Variants in SNTG2 observed in about 807,000 individuals in gnomAD.
The protein encoded by SNTG2 is syntrophin gamma 2, also known as gamma-2-syntrophin.
A neutral mutation model predicts 70.9 loss-of-function variants in SNTG2; 74 were observed. The observed-to-expected ratio is 1.04, with a 90% CI of 0.86 to 1.27. The LOEUF (loss-of-function observed/expected upper bound fraction) is 1.27, where lower values mean the gene tolerates loss of function less well. SNTG2 is among the 50% of genes most tolerant of loss of function. SNTG2 has a pLI of 0.00. For missense variants in SNTG2, 717 were observed against 690.7 expected, an observed-to-expected ratio of 1.04 and a Z score of -0.43; for synonymous variants, 278 against 273.8, an observed-to-expected ratio of 1.02 and a Z score of -0.15.
chr2:1,001,007 A>G (rs549922305), intron 1 of SNTG2, among the ~76,000 whole-genome samples: 2 of 152,066 alleles, frequency 1.3e-5, no homozygotes, highest in Non-Finnish European at 2.9e-5. Flanking sequence ...AACAAAAAGT[A>G]AAAACCAAAA....
At chr2:1,337,460 A>G (rs1659873904) in intron 16 of SNTG2, among the ~76,000 whole-genome samples, 1 of 152,126 alleles carries the variant, frequency 6.6e-6, no homozygotes, top group South Asian at 2.1e-4. Context: ...ACATCTTTTC[A>G]TGTGCTTATT....
chr2:1,341,660 G>A (rs1660094900), intron 16 of SNTG2: 1 of 152,132 alleles, frequency 6.6e-6, no homozygotes, highest in South Asian at 2.1e-4. Flanking sequence ...TCCTTTGAAA[G>A]AAGCTTTCTC....
intron 1 of SNTG2, among the ~76,000 whole-genome samples, chr2:1,017,497 CACAT>C (rs1051497583): frequency 2.0e-5 from 3 of 152,168 alleles, no homozygotes; most frequent in African/African-American, 4.8e-5. Flanking sequence ...CATGTAGAGA[CACAT>C]ACGTGCACAT....
chr2:1,041,441 A>G (rs1290745696), intron 1 of SNTG2, among the ~76,000 whole-genome samples: 1 of 151,998 alleles, frequency 6.6e-6, no homozygotes, highest in East Asian at 1.9e-4. Flanking sequence ...GTTTATTTTT[A>G]TTGCTAGCCG....
intron 4 of SNTG2, among the ~76,000 whole-genome samples, chr2:1,121,604 G>C (rs1239757442): frequency 1.3e-5 from 2 of 152,124 alleles, no homozygotes; most frequent in African/African-American, 4.8e-5. Flanking sequence ...GGCGTCAGAA[G>C]ACTTACAATC....
At chr2:1,265,187 T>C (rs995467509) in intron 13 of SNTG2, among the ~76,000 whole-genome samples, 1 of 152,238 alleles carries the variant, frequency 6.6e-6, no homozygotes, top group African/African-American at 2.4e-5. Flanking sequence ...ATAAGGTCAA[T>C]GATGAACATG....
In SNTG2 at chr2:1,251,831, C is replaced by T. The variant is rs540804697; in HGVS notation, c.1005+4388C>T. Among the ~76,000 whole-genome samples, 258 of 152,122 alleles carry T rather than the reference C, an allele frequency of 1.7e-3. 1 individual carries two copies. Among genetic ancestry groups the T allele is most frequent in the Non-Finnish European group, 8.2e-4 (56 of 67,982 alleles). On this transcript the variant is annotated intron_variant, in intron 12 of 16. Coordinates refer to ENST00000308624, the MANE Select transcript of SNTG2 (RefSeq NM_018968.4). ...ACGTGCACACCACTCATGCACACAC[C>T]ACATGCACACCCCATGCACACACAC... is the stretch of plus-strand genomic sequence containing the variant.
In SNTG2 at chr2:1,255,823, TATATATATAA is replaced by T. The variant is rs750209235; in HGVS notation, c.1006-3497_1006-3488del. On this transcript the variant is annotated intron_variant, in intron 12 of 16. Transcript: ENST00000308624. ...ATATATATACACAAAGTTGTATGTA[TATATATATAA>T]ATATATATAAATATATATAAATATA... Among the ~76,000 whole-genome samples, 280 of 73,198 alleles carry T rather than the reference TATATATATAA, an allele frequency of 3.8e-3. 2 individuals carry two copies. Among genetic ancestry groups the T allele is most frequent in the South Asian group, 5.6e-3 (12 of 2,146 alleles). 48.0% of individuals were successfully genotyped at this position (73,198 alleles called of 152,430 possible). A position where few individuals can be genotyped will look rare whatever the true frequency, so the allele number is the denominator to read the frequency against.
chr2:1,231,342 G>C (rs1183108701), intron 9 of SNTG2, among the ~76,000 whole-genome samples: 1 of 152,236 alleles, frequency 6.6e-6, no homozygotes, highest in African/African-American at 2.4e-5. Context: ...GGGTGAAATA[G>C]ATCCGAAACG....
chr2:969,576 A>G (rs1660675477), intron 1 of SNTG2, among the ~76,000 whole-genome samples: 1 of 151,654 alleles, frequency 6.6e-6, no homozygotes, highest in African/African-American at 2.4e-5. Context: ...GAGATATTTC[A>G]CCTCCCTGCT....
chr2:956,141 G>C (rs182916553), intron 1 of SNTG2, among the ~76,000 whole-genome samples: 4 of 21,144 alleles, frequency 1.9e-4, no homozygotes, highest in African/African-American at 2.8e-4. Context: ...TGCACCCACC[G>C]CGCCCCGCCC....
At position 1,137,603 on chromosome 2, in the gene SNTG2, C is replaced by T. The variant is rs754085948; in HGVS notation, c.326-19C>T. 165 of 1,611,328 alleles carry T rather than the reference C, an allele frequency of 1.0e-4. No individual in the cohort carries two copies. In the East Asian group the frequency reaches 3.3e-3, roughly 32 times the overall value. ...CTGAGATTTCTCTTAAAACTGTTGC[C>T]ACTTTTGCCACCCTGCAGCTGACCA... On this transcript the variant is annotated intron_variant, in intron 4 of 16. Transcript: ENST00000308624.
intron 1 of SNTG2, among the ~76,000 whole-genome samples, chr2:1,077,700 C>T (rs1664013588): frequency 6.6e-6 from 1 of 152,208 alleles, no homozygotes; most frequent in Non-Finnish European, 1.5e-5. Context: ...CAAACACACA[C>T]ACACTGATAT....
chr2:1,171,723 T>C (rs183569279), intron 7 of SNTG2, among the ~76,000 whole-genome samples: 1 of 152,346 alleles, frequency 6.6e-6, no homozygotes, highest in Admixed American at 6.5e-5. Flanking sequence ...TTCTCCAAGT[T>C]TCTCAATATC....
At chr2:1,288,766 A>G (rs1335138955) in intron 14 of SNTG2, among the ~76,000 whole-genome samples, 1 of 152,144 alleles carries the variant, frequency 6.6e-6, no homozygotes. Flanking sequence ...ACATGTACAC[A>G]TGCACACTCA....
chr2:1,326,312 A>G (rs958795824), intron 16 of SNTG2, among the ~76,000 whole-genome samples: 5 of 152,164 alleles, frequency 3.3e-5, no homozygotes, highest in Non-Finnish European at 7.4e-5. Context: ...CCCTATTTGG[A>G]CTTCCAGAGG....
At chr2:1,268,746 A>G (rs1196950277) in intron 14 of SNTG2, among the ~76,000 whole-genome samples, 2 of 152,252 alleles carry the variant, frequency 1.3e-5, no homozygotes, top group East Asian at 3.8e-4. Context: ...CTTAGAAACC[A>G]TCAGCACTAA....
intron 8 of SNTG2, among the ~76,000 whole-genome samples, chr2:1,177,432 G>A (rs1206200664): frequency 2.0e-5 from 3 of 151,460 alleles, no homozygotes; most frequent in South Asian, 2.1e-4. Context: ...CATGGCACAC[G>A]TTTACCAATG....
In SNTG2 at chr2:1,209,138, C is replaced by A. The variant is rs1214264722; in HGVS notation, c.627C>A (p.Asp209Glu). 1 of 1,613,972 alleles carries A rather than the reference C, an allele frequency of 6.2e-7. No homozygotes were observed. The highest frequency in any genetic ancestry group is 1.7e-5 in the Admixed American group (1 of 60,018). ...CACCTTCCTCGCCCATAGCTAAGGACCCGAGGTATGAGAAGCGCTGGCTGG... is the reference window on the plus strand; with the variant it reads ...CACCTTCCTCGCCCATAGCTAAGGAACCGAGGTATGAGAAGCGCTGGCTGG... ...PSSPSSPIAK[D>E]PRYEKRWLDT... Residue 209 changes from aspartate (D) to glutamate (E), a missense_variant, in exon 9 of 17, where the codon GAC (aspartate) becomes GAA (glutamate). Coordinates refer to ENST00000308624, the MANE Select transcript of SNTG2 (RefSeq NM_018968.4).
Sources: gnomAD v4.1 joint callset for allele counts (sites outside exome capture counted in the v4.1 genomes callset) on GRCh38, gnomAD v4.1.1 for gene constraint, MANE v1.5 for transcripts, NCBI Gene and HGNC (gene_info 2026-07-23, HGNC 2026-07-21) for gene names.